TGM6: variants seen among roughly 807,000 people sequenced by gnomAD.
TGM6 encodes the protein protein-glutamine gamma-glutamyltransferase 6.
In TGM6, 74 loss-of-function variants were observed where a neutral mutation model predicts 77.5. The observed-to-expected ratio is 0.96, with a 90% CI of 0.79 to 1.16. The LOEUF (loss-of-function observed/expected upper bound fraction) is 1.16, where lower values mean the gene tolerates loss of function less well. Among genes scored for constraint, TGM6 ranks in the 50% most tolerant of loss-of-function variants. The pLI is 0.00. For synonymous variants in TGM6, 383 were observed against 378.9 expected, an observed-to-expected ratio of 1.01 and a Z score of -0.12; for missense variants, 968 against 940.2, an observed-to-expected ratio of 1.03 and a Z score of -0.39.
chr20:2,387,725 A>G (rs188779112), intron 1 of TGM6, among the ~76,000 whole-genome samples: 44 of 152,344 alleles, frequency 2.9e-4, no homozygotes, highest in African/African-American at 1.1e-3. Flanking sequence ...AAACTGCCCC[A>G]GCACTTAGGG....
At chr20:2,400,471 G>A (rs764652641) in intron 7 of TGM6, 27 bp downstream of exon 7, 19 of 1,613,668 alleles carry the variant, frequency 1.2e-5, no homozygotes, top group East Asian at 6.7e-5. Context: ...GCCTAGGCCC[G>A]AGGGCTCTGG....
chr20:2,389,208 A>G (rs2084615264), intron 1 of TGM6, among the ~76,000 whole-genome samples: 1 of 152,146 alleles, frequency 6.6e-6, no homozygotes, highest in Non-Finnish European at 1.5e-5. Flanking sequence ...AGGACACCCA[A>G]GCATTCCCAT....
intron 6 of TGM6, 136 bp downstream of exon 6, chr20:2,399,874 A>G: frequency 1.2e-6 from 1 of 813,444 alleles, no homozygotes; most frequent in Non-Finnish European, 2.0e-6. Context: ...AGTCTGGCTG[A>G]TGAAGAGAGA....
intron 10 of TGM6, among the ~76,000 whole-genome samples, chr20:2,426,000 T>C (rs2084885333): frequency 6.6e-6 from 1 of 152,212 alleles, no homozygotes; most frequent in Non-Finnish European, 1.5e-5. Context: ...TCTTCATTCC[T>C]GCCTCCCACC....
At chr20:2,428,105 A>G (rs2084900448) in intron 10 of TGM6, among the ~76,000 whole-genome samples, 1 of 152,088 alleles carries the variant, frequency 6.6e-6, no homozygotes, top group Non-Finnish European at 1.5e-5. Flanking sequence ...TATATTGCAT[A>G]ATTTCTATTA....
intron 7 of TGM6, 135 bp downstream of exon 7, chr20:2,400,579 G>A (rs1419912521): frequency 7.0e-6 from 9 of 1,277,228 alleles, no homozygotes; most frequent in African/African-American, 5.9e-5. Context: ...GGCTCTGGAG[G>A]GAGTGAGAGG....
chr20:2,394,335 A>G lies in TGM6; in HGVS notation c.8-117A>G, dbSNP rs1039718856. 1.2e-5 allele frequency: 14 copies of G among 1,196,750 alleles called. No homozygotes were observed. The Admixed American group carries it at 1.8e-4, about 15-fold the overall frequency. The allele number at this position is 1,196,750 out of a possible 1,614,324, so 74.1% of individuals were successfully genotyped here. A position where few individuals can be genotyped will look rare whatever the true frequency, so the allele number is the denominator to read the frequency against. On this transcript the variant is annotated intron_variant, in intron 1 of 12. Transcript: ENST00000202625. ...CAAACAAACAGAGAATCGCCGGTAT[A>G]TGATAAATAGCAGCTGGATGAACAA...
In TGM6 at chr20:2,403,674, A is replaced by T; in HGVS notation, c.1187A>T (p.Asn396Ile). ...HDGPFVFAEV[N>I]ADYITWLWHE... is the part of the protein sequence containing the mutation. ...GGCCCCTTCGTGTTTGCGGAGGTCA[A>T]CGCCGACTACATCACCTGGCTGTGG... The change falls in exon 9 of 13, where the codon AAC becomes ATC. Residue 396 changes from asparagine (N) to isoleucine (I), a missense_variant. Transcript: ENST00000202625. 6.2e-7 allele frequency: 1 copy of T among 1,614,150 alleles called. No homozygotes were observed. The highest frequency in any genetic ancestry group is 1.1e-5 in the South Asian group (1 of 91,078).
intron 7 of TGM6, among the ~76,000 whole-genome samples, chr20:2,400,753 T>C (rs901688171): frequency 3.9e-5 from 6 of 152,124 alleles, no homozygotes; most frequent in Non-Finnish European, 5.9e-5. Context: ...GGGAACTCCT[T>C]CTGCACAGGT....
intron 1 of TGM6, among the ~76,000 whole-genome samples, chr20:2,392,192 T>G: frequency 6.6e-6 from 1 of 152,192 alleles, no homozygotes; most frequent in South Asian, 2.1e-4. Context: ...GCGTATTTGA[T>G]GGACTGTTGG....
At chr20:2,402,006 G>A (rs982957537) in intron 7 of TGM6, among the ~76,000 whole-genome samples, 1 of 152,274 alleles carries the variant, frequency 6.6e-6, no homozygotes. Context: ...GGGAGGCCGA[G>A]GCTGGCAAAT....
intron 7 of TGM6, among the ~76,000 whole-genome samples, chr20:2,401,207 C>CA (rs11480817): frequency 0.78 from 116,905 of 149,516 alleles, 46,187 homozygotes; most frequent in South Asian, 0.85. Flanking sequence ...GACTTCGTCT[C>CA]AAAAAAAAAA....
At chr20:2,431,144 C>T in intron 12 of TGM6, 117 bp downstream of exon 12, 1 of 1,321,698 alleles carries the variant, frequency 7.6e-7, no homozygotes. Context: ...CAGGAACCAG[C>T]CCACAGACTA....
At chr20:2,381,019 AG>A (rs767530758) in intron 1 of TGM6, 44 bp downstream of exon 1, 1 of 1,605,538 alleles carries the variant, frequency 6.2e-7, no homozygotes, top group Non-Finnish European at 8.5e-7. Context: ...AGGGCTCATG[AG>A]GGGGGCTTCA....
intron 1 of TGM6, among the ~76,000 whole-genome samples, chr20:2,387,475 T>A (rs1046012704): frequency 1.6e-4 from 25 of 152,196 alleles, no homozygotes; most frequent in African/African-American, 6.0e-4. Flanking sequence ...TTGGGACACA[T>A]GTGTCAGCTA....
intron 7 of TGM6, 28 bp downstream of exon 7, chr20:2,400,472 A>C (rs757544141): frequency 6.2e-7 from 1 of 1,613,750 alleles, no homozygotes; most frequent in East Asian, 2.2e-5. Flanking sequence ...CCTAGGCCCG[A>C]GGGCTCTGGA....
intron 10 of TGM6, among the ~76,000 whole-genome samples, chr20:2,418,773 T>C (rs2084835266): frequency 6.6e-6 from 1 of 152,234 alleles, no homozygotes. Flanking sequence ...TTATTCCAAC[T>C]GTTTCTTTAA....
rs567918448 is a variant in TGM6, at chr20:2,394,589, G to A, written c.145G>A (p.Asp49Asn). ...CACGCTGGAGCTGAGCAGAGCCCTG[G>A]ACTGTGAGGAGATCCTCATCTTCAC... ...SLTLELSRAL[D>N]CEEILIFTME... Residue 49 changes from aspartate to asparagine, a missense_variant, in exon 2 of 13, where the codon GAC becomes AAC. Coordinates refer to ENST00000202625, the MANE Select transcript of TGM6 (RefSeq NM_198994.3). 1 of 1,612,152 alleles carries A rather than the reference G, an allele frequency of 6.2e-7. No homozygotes were observed. Among genetic ancestry groups the A allele is most frequent in the African/African-American group, 1.3e-5 (1 of 75,008 alleles).
Position 2,432,670 on chromosome 20 carries a change from G to A in TGM6, c.*27G>A, listed in dbSNP as rs747948977. On this transcript the variant is annotated 3_prime_UTR_variant, in exon 13 of 13. Coordinates refer to ENST00000202625, the MANE Select transcript of TGM6 (RefSeq NM_198994.3). ...GGATCATGAGGGACTGAGAGGGGTGGATTTGGCCCCTGTCCTCCTCCTGCC... is the reference window on the plus strand; with the variant it reads ...GGATCATGAGGGACTGAGAGGGGTGAATTTGGCCCCTGTCCTCCTCCTGCC... 6 of 1,613,894 alleles carry A rather than the reference G, an allele frequency of 3.7e-6. No homozygotes were observed. In the Admixed American group the frequency reaches 6.7e-5, roughly 18 times the overall value.
Sources: gnomAD v4.1 joint callset for allele counts (sites outside exome capture counted in the v4.1 genomes callset) on GRCh38, gnomAD v4.1.1 for gene constraint, MANE v1.5 for transcripts, NCBI Gene and HGNC (gene_info 2026-07-23, HGNC 2026-07-21) for gene names.